Variants in EHD2 observed in about 807,000 individuals in gnomAD.
EHD2 encodes EH domain containing 2, also known as EH domain-containing protein 2.
A neutral mutation model predicts 41.0 loss-of-function variants in EHD2; 27 were observed. The ratio of observed to expected loss-of-function variants is 0.66; its 90% CI spans 0.49 to 0.91. The LOEUF (loss-of-function observed/expected upper bound fraction) is 0.91, where lower values mean the gene tolerates loss of function less well. Among genes scored for constraint, EHD2 ranks in the 40% least tolerant of loss-of-function variants. The probability of loss-of-function intolerance (pLI) is 0.00; values close to 1 mark genes in which losing one functional copy is unlikely to be tolerated. For synonymous variants in EHD2, 342 were observed against 341.0 expected, an observed-to-expected ratio of 1.00 and a Z score of -0.03; for missense variants, 673 against 773.9, an observed-to-expected ratio of 0.87 and a Z score of 1.55.
rs1351161774 is a variant in EHD2 at position 47,719,426 on chromosome 19, A to G, written c.502+820A>G. On this transcript the variant is annotated intron_variant, in intron 3 of 5. Transcript: ENST00000263277. The surrounding 1 kb of genome is among the most constrained non-coding windows in gnomAD (Gnocchi z 4.1). ...AATTTATAAACAGCTGTGCAAGGAGAGTGGCGGGGGGTGGATTCCAGCCGG... is the reference window on the plus strand; with the variant it reads ...AATTTATAAACAGCTGTGCAAGGAGGGTGGCGGGGGGTGGATTCCAGCCGG... Among the ~76,000 whole-genome samples, 2 of 151,598 alleles carry G rather than the reference A, an allele frequency of 1.3e-5. No individual in the cohort carries two copies. Among genetic ancestry groups the G allele is most frequent in the Non-Finnish European group, 2.9e-5 (2 of 67,876 alleles).
chr19:47,726,147 C>A lies in EHD2; in HGVS notation c.838C>A (p.Arg280Ser), dbSNP rs150300804. 2 of 1,583,190 alleles carry A rather than the reference C, an allele frequency of 1.3e-6. No individual in the cohort carries two copies. The highest frequency in any genetic ancestry group is 2.3e-5 in the East Asian group (1 of 43,620). Reference protein sequence around the residue: ...LFELEEQDLFRDIQGLPRHAA... With the variant: ...LFELEEQDLFSDIQGLPRHAA... The stretch of plus-strand genomic sequence containing the variant: ...CGAGCTGGAGGAGCAGGACCTCTTC[C>A]GCGACATCCAGGGCCTGCCCCGGCA... The change falls in exon 4 of 6, where the codon CGC becomes AGC. Residue 280 changes from arginine to serine, a missense_variant. Physicochemically the swap from Arg to Ser is moderately radical, Grantham distance 110 (BLOSUM62 -1). Transcript: ENST00000263277.
At chr19:47,738,334 G>T (rs1016360250) in intron 5 of EHD2, among the ~76,000 whole-genome samples, 5 of 151,542 alleles carry the variant, frequency 3.3e-5, no homozygotes, top group Non-Finnish European at 7.4e-5. Flanking sequence ...ATGGAGTCTT[G>T]CTCTGTTGCC....
chr19:47,723,857 T>C (rs1287439132), intron 3 of EHD2, among the ~76,000 whole-genome samples: 1 of 151,804 alleles, frequency 6.6e-6, no homozygotes, highest in Admixed American at 6.6e-5. Flanking sequence ...TTTTATTTTA[T>C]TTTTTTCTGT....
Position 47,719,648 on chromosome 19 carries a change from G to A in EHD2, c.502+1042G>A, listed in dbSNP as rs918483747. On this transcript the variant is annotated intron_variant, in intron 3 of 5. Transcript: ENST00000263277. The surrounding 1 kb of genome is among the most constrained non-coding windows in gnomAD (Gnocchi z 4.1). ...GCTGGGCCTGGGGTGGGGTGGGGAC[G>A]CTGGGGGTGACCATGTCTCTGGCTG... Among the ~76,000 whole-genome samples the A allele has an allele frequency of 2.6e-5, 4 of 152,234 alleles. No individual in the cohort carries two copies. The highest frequency in any genetic ancestry group is 3.9e-4 in the East Asian group (2 of 5,164).
At position 47,741,209 on chromosome 19, in the gene EHD2, C is replaced by T; in HGVS notation, c.1409C>T (p.Ser470Phe). Residue 470 changes from serine (S) to phenylalanine (F), a missense_variant, in exon 6 of 6, where the codon TCC becomes TTC. Coordinates refer to ENST00000263277, the MANE Select transcript of EHD2 (RefSeq NM_014601.4). This position sits in a 1 kb window ranked among gnomAD's most constrained non-coding sequence, Gnocchi z 4.5. ...CCTGCCGACGGCAAGCTGAGCGGCT[C>T]CAAGGCCAAGACCTGGATGGTGGGG... is the stretch of plus-strand genomic sequence containing the variant. Reference protein sequence around the residue: ...LAPADGKLSGSKAKTWMVGTK... With the variant: ...LAPADGKLSGFKAKTWMVGTK... 6.2e-7 allele frequency: 1 copy of T among 1,613,924 alleles called. No homozygotes were observed. Among genetic ancestry groups the T allele is most frequent in the Non-Finnish European group, 8.5e-7 (1 of 1,179,958 alleles).
In EHD2 at chr19:47,736,428, G is replaced by C; in HGVS notation, c.975G>C (p.Glu325Asp). Reference protein sequence around the residue: ...KKEMPSVFGKENKKKQLILKL... With the variant: ...KKEMPSVFGKDNKKKQLILKL... Reference sequence around the variant, plus strand: ...AGATGCCCTCTGTGTTTGGGAAGGAGAACAAGAAGAAGCAGCTGATCCTCA... The same window carrying C: ...AGATGCCCTCTGTGTTTGGGAAGGACAACAAGAAGAAGCAGCTGATCCTCA... Residue 325 changes from glutamate to aspartate, a missense_variant, in exon 5 of 6, where the codon GAG (glutamate) becomes GAC (aspartate). Glu to Asp is a conservative substitution (Grantham distance 45). Transcript: ENST00000263277. 6.2e-7 allele frequency: 1 copy of C among 1,613,388 alleles called. No homozygotes were observed. Among genetic ancestry groups the C allele is most frequent in the Non-Finnish European group, 8.5e-7 (1 of 1,179,750 alleles).
chr19:47,725,943 G>T lies in EHD2; in HGVS notation c.634G>T (p.Asp212Tyr). 3 of 1,613,882 alleles carry T rather than the reference G, an allele frequency of 1.9e-6. No individual in the cohort carries two copies. Among genetic ancestry groups the T allele is most frequent in the Non-Finnish European group, 2.5e-6 (3 of 1,179,822 alleles). ...EAIGALRGHE[D>Y]KIRVVLNKAD... is the part of the protein sequence containing the mutation. ...CATCGGCGCGTTGCGGGGCCATGAG[G>T]ACAAGATCCGCGTGGTGCTCAACAA... is the stretch of plus-strand genomic sequence containing the variant. The change falls in exon 4 of 6, where the codon GAC becomes TAC. Residue 212 changes from aspartate to tyrosine, a missense_variant. Coordinates refer to ENST00000263277, the MANE Select transcript of EHD2 (RefSeq NM_014601.4).
Position 47,741,443 on chromosome 19 carries a change from C to A in EHD2, c.*11C>A. Reference sequence around the variant, plus strand: ...GGCTCCGCCGAGTGAGCCGGCCCCCCTCCCATGGCCCTGCTGTGGCTCCCC... The same window carrying A: ...GGCTCCGCCGAGTGAGCCGGCCCCCATCCCATGGCCCTGCTGTGGCTCCCC... On this transcript the variant is annotated 3_prime_UTR_variant, in exon 6 of 6. Transcript: ENST00000263277. This position sits in a 1 kb window ranked among gnomAD's most constrained non-coding sequence, Gnocchi z 4.5. 1 of 1,558,672 alleles carries A rather than the reference C, an allele frequency of 6.4e-7. No individual in the cohort carries two copies. Among genetic ancestry groups the A allele is most frequent in the Non-Finnish European group, 8.6e-7 (1 of 1,159,750 alleles).
intron 3 of EHD2, among the ~76,000 whole-genome samples, chr19:47,720,287 C>G (rs1015996760): frequency 1.3e-5 from 2 of 152,108 alleles, no homozygotes; most frequent in African/African-American, 4.8e-5. Context: ...CCTCAGCCTC[C>G]TGAGTAGCCA....
intron 4 of EHD2, among the ~76,000 whole-genome samples, chr19:47,733,751 CAA>C (rs34254815): frequency 0.012 from 683 of 57,122 alleles, 4 homozygotes; most frequent in African/African-American, 0.017. Context: ...GACTCTGTCT[CAA>C]AAAAAAAAAA....
chr19:47,722,848 G>T (rs1032387826), intron 3 of EHD2, among the ~76,000 whole-genome samples: 1 of 152,112 alleles, frequency 6.6e-6, no homozygotes, highest in African/African-American at 2.4e-5. Flanking sequence ...GATTGCAGGC[G>T]TGAGCCACCA....
At position 47,726,855 on chromosome 19, in the gene EHD2, T is replaced by A. The variant is rs185614440; in HGVS notation, c.915+631T>A. On this transcript the variant is annotated intron_variant, in intron 4 of 5. Transcript: ENST00000263277. The stretch of plus-strand genomic sequence containing the variant: ...CACCACGCCCAGCTAATTTTTTATT[T>A]TTTGTAGAGTCGAGGTCTTACTGTG... Among the ~76,000 whole-genome samples, 5 of 152,266 alleles carry A rather than the reference T, an allele frequency of 3.3e-5. No individual in the cohort carries two copies. In the East Asian group the frequency reaches 9.7e-4, roughly 29 times the overall value.
At position 47,716,908 on chromosome 19, in the gene EHD2, C is replaced by T; in HGVS notation, c.296C>T (p.Ala99Val). 1 of 1,611,934 alleles carries T rather than the reference C, an allele frequency of 6.2e-7. No homozygotes were observed. Among genetic ancestry groups the T allele is most frequent in the Non-Finnish European group, 8.5e-7 (1 of 1,179,938 alleles). Residue 99 changes from alanine (A) to valine (V), a missense_variant, in exon 2 of 6, where the codon GCC becomes GTC. Coordinates refer to ENST00000263277, the MANE Select transcript of EHD2 (RefSeq NM_014601.4). Reference protein sequence around the residue: ...GPEPTTDCFVAVMHGDTEGTV... With the variant: ...GPEPTTDCFVVVMHGDTEGTV... ...GAGCCCACCACCGACTGCTTTGTGG[C>T]CGTCATGCACGGGGACACTGAGGGC...
At chr19:47,729,253 C>G (rs574883657) in intron 4 of EHD2, among the ~76,000 whole-genome samples, 4 of 152,062 alleles carry the variant, frequency 2.6e-5, no homozygotes, top group Non-Finnish European at 5.9e-5. Flanking sequence ...CAGTGTTGAA[C>G]CCAGTGTAGA....
chr19:47,736,369 G>A lies in EHD2; in HGVS notation c.916G>A (p.Val306Ile), dbSNP rs1966922785. ...DLVKRARLVR[V>I]HAYIISYLKK... ...GCTGAGGTGAGAACCCTTCCCACAG[G>A]TTCACGCTTACATCATCAGCTACCT... The change falls in exon 5 of 6, where the codon GTT becomes ATT. Residue 306 changes from valine to isoleucine, a missense_variant and splice_region_variant. Transcript: ENST00000263277. 1.2e-6 allele frequency: 2 copies of A among 1,612,384 alleles called. No individual in the cohort carries two copies. Among genetic ancestry groups the A allele is most frequent in the Non-Finnish European group, 1.7e-6 (2 of 1,179,380 alleles).
intron 5 of EHD2, among the ~76,000 whole-genome samples, chr19:47,740,537 G>C (rs890970225): frequency 6.6e-6 from 1 of 152,032 alleles, no homozygotes; most frequent in Non-Finnish European, 1.5e-5. Flanking sequence ...CATGAGGTCA[G>C]GAGTTCGAGA....
intron 5 of EHD2, among the ~76,000 whole-genome samples, chr19:47,740,240 AC>A (rs1966970900): frequency 6.6e-6 from 1 of 151,624 alleles, no homozygotes; most frequent in South Asian, 2.1e-4. Context: ...AGTGGCGCAC[AC>A]CTATAGTCCC....
chr19:47,737,938 A>G (rs1966942934), intron 5 of EHD2, among the ~76,000 whole-genome samples: 1 of 140,840 alleles, frequency 7.1e-6, no homozygotes, highest in Non-Finnish European at 1.5e-5. Flanking sequence ...CGAACTGCAG[A>G]GGCGTGATCT....
rs116458641 is a variant in EHD2 at position 47,719,347 on chromosome 19, G to A, written c.502+741G>A. Among the ~76,000 whole-genome samples, 1,749 of 152,220 alleles carry A rather than the reference G, an allele frequency of 0.011. 40 individuals carry two copies. The highest frequency in any genetic ancestry group is 0.039 in the African/African-American group (1,622 of 41,528). ...TGGCTCTGCGTCTGGGCCACAGATG[G>A]GGCCGAGAAGGGGATGGGAAGGGAA... On this transcript the variant is annotated intron_variant, in intron 3 of 5. Coordinates refer to ENST00000263277, the MANE Select transcript of EHD2 (RefSeq NM_014601.4). The surrounding 1 kb of genome is among the most constrained non-coding windows in gnomAD (Gnocchi z 4.1).
Sources: gnomAD v4.1 joint callset for allele counts (sites outside exome capture counted in the v4.1 genomes callset) on GRCh38, gnomAD v4.1.1 for gene constraint, Gnocchi (gnomAD v3.1) non-coding constraint, MANE v1.5 for transcripts, NCBI Gene and HGNC (gene_info 2026-07-23, HGNC 2026-07-21) for gene names.